Variants in SPEF2 observed in about 807,000 individuals in gnomAD.
The protein encoded by SPEF2 is sperm flagella and cilia-associated protein 2.
Under a neutral mutation model 224.6 loss-of-function variants are expected in SPEF2, and 187 were observed. The ratio of observed to expected loss-of-function variants is 0.83; its 90% confidence interval spans 0.74 to 0.94. SPEF2 has a LOEUF of 0.94. SPEF2 is among the 40% of genes least tolerant of loss of function. The probability of loss-of-function intolerance (pLI) is 0.00; values close to 1 mark genes in which losing one functional copy is unlikely to be tolerated. For missense variants in SPEF2, 2,170 were observed against 2,135.6 expected (o/e 1.02, Z -0.32); for synonymous variants, 715 against 707.3 (o/e 1.01, Z -0.17).
At chr5:35,693,002 G>A (rs903256561) in intron 12 of SPEF2, among the ~76,000 whole-genome samples, 1 of 152,194 alleles carries the variant, frequency 6.6e-6, no homozygotes, top group Non-Finnish European at 1.5e-5. Context: ...ACTGTCTTGT[G>A]TGATGGGCCC....
intron 33 of SPEF2, among the ~76,000 whole-genome samples, chr5:35,798,111 T>G (rs1481152192): frequency 6.6e-6 from 1 of 152,100 alleles, no homozygotes; most frequent in African/African-American, 2.4e-5. Flanking sequence ...CAAGCCACAA[T>G]CAGCTTCACC....
intron 2 of SPEF2, among the ~76,000 whole-genome samples, chr5:35,635,661 C>G (rs1309284997): frequency 6.6e-6 from 1 of 152,060 alleles, no homozygotes; most frequent in African/African-American, 2.4e-5. Context: ...ATTTATTTGG[C>G]GAATCCAATT....
Position 35,644,341 on chromosome 5 carries a change from C to A in SPEF2, c.415-14C>A. 2 of 1,478,402 alleles carry A rather than the reference C, an allele frequency of 1.4e-6. No homozygotes were observed. Among genetic ancestry groups the A allele is most frequent in the Non-Finnish European group, 1.8e-6 (2 of 1,109,536 alleles). The allele number at this position is 1,478,402 out of a possible 1,614,324, so 91.6% of individuals were successfully genotyped here. A position where few individuals can be genotyped will look rare whatever the true frequency, so the allele number is the denominator to read the frequency against. On this transcript the variant is annotated splice_polypyrimidine_tract_variant and intron_variant, in intron 3 of 36. Coordinates refer to ENST00000356031, the MANE Select transcript of SPEF2 (RefSeq NM_024867.4). The stretch of plus-strand genomic sequence containing the variant: ...TTCTCTAATAAAATCTTTTGAAATG[C>A]TTTTTTCATTTAGAGACTTAGACAC...
At chr5:35,679,855 G>A (rs774276629) in intron 10 of SPEF2, among the ~76,000 whole-genome samples, 2 of 152,130 alleles carry the variant, frequency 1.3e-5, no homozygotes, top group African/African-American at 2.4e-5. Flanking sequence ...CCATGTTCAA[G>A]TGTGACAGAT....
chr5:35,675,821 C>A, intron 10 of SPEF2: 2 of 428,448 alleles, frequency 4.7e-6, no homozygotes, highest in South Asian at 3.3e-5. Flanking sequence ...CTCTATTTGC[C>A]CTAGGTCCGT....
chr5:35,757,612 A>C (rs1750642676), intron 24 of SPEF2, among the ~76,000 whole-genome samples: 1 of 152,188 alleles, frequency 6.6e-6, no homozygotes, highest in Admixed American at 6.5e-5. Flanking sequence ...TATAATTTAC[A>C]AGACTCATTT....
chr5:35,770,441 A>G (rs74976182), intron 26 of SPEF2, among the ~76,000 whole-genome samples: 1 of 152,064 alleles, frequency 6.6e-6, no homozygotes, highest in Non-Finnish European at 1.5e-5. Context: ...GCAAGATGTC[A>G]TCAGAGCTTA....
Position 35,763,429 on chromosome 5 carries a change from C to T in SPEF2, c.3621-93C>T, listed in dbSNP as rs935520305. ...AAAACTTTGAAAATTGAGATTAAAC[C>T]AAGACAGTAAAATTTACAAAGTAAC... On this transcript the variant is annotated intron_variant, in intron 25 of 36. Transcript: ENST00000356031. 1.7e-5 allele frequency: 20 copies of T among 1,179,220 alleles called. No individual in the cohort carries two copies. In the East Asian group the frequency reaches 3.7e-4, roughly 22 times the overall value. 73.0% of individuals were successfully genotyped at this position (1,179,220 alleles called of 1,614,324 possible).
intron 10 of SPEF2, among the ~76,000 whole-genome samples, chr5:35,673,169 G>A (rs945309145): frequency 6.6e-6 from 1 of 152,170 alleles, no homozygotes; most frequent in Non-Finnish European, 1.5e-5. Context: ...TTATTTAGTA[G>A]AAAGTGAGGA....
Position 35,662,199 on chromosome 5 carries a change from C to T in SPEF2, c.1167+2992C>T, listed in dbSNP as rs115836699. 9.1e-3 allele frequency among the ~76,000 whole-genome samples: 1,378 copies of T among 151,580 alleles called. 17 individuals carry two copies. The highest frequency in any genetic ancestry group is 0.032 in the African/African-American group (1,333 of 41,306). ...TCAGTGATGTTAAGCTTTTTTTTCA[C>T]GTTTGTTAGCCATTTGTATGTCTTC... On this transcript the variant is annotated intron_variant, in intron 8 of 36. Coordinates refer to ENST00000356031, the MANE Select transcript of SPEF2 (RefSeq NM_024867.4).
At chr5:35,696,936 G>T (rs1755423796) in intron 14 of SPEF2, among the ~76,000 whole-genome samples, 2 of 152,212 alleles carry the variant, frequency 1.3e-5, no homozygotes, top group African/African-American at 4.8e-5. Context: ...GCAGGAAGGT[G>T]CCTGGCCAGC....
intron 4 of SPEF2, among the ~76,000 whole-genome samples, chr5:35,645,271 G>C (rs970157398): frequency 1.4e-4 from 21 of 152,160 alleles, no homozygotes; most frequent in African/African-American, 5.1e-4. Context: ...GCAATGATAA[G>C]AAATTATATT....
chr5:35,693,681 G>A (rs1189634879), intron 12 of SPEF2, among the ~76,000 whole-genome samples: 2 of 152,116 alleles, frequency 1.3e-5, no homozygotes, highest in Non-Finnish European at 2.9e-5. Flanking sequence ...TTTCCAGATT[G>A]TAAGTCCACT....
chr5:35,709,299 C>G, intron 19 of SPEF2, 178 bp downstream of exon 19: 1 of 1,422,860 alleles, frequency 7.0e-7, no homozygotes, highest in Non-Finnish European at 9.1e-7. Flanking sequence ...GTAGTTGTTA[C>G]AAAGCCCAAC....
At chr5:35,715,798 A>G (rs1464153130) in intron 20 of SPEF2, among the ~76,000 whole-genome samples, 2 of 140,844 alleles carry the variant, frequency 1.4e-5, no homozygotes, top group Admixed American at 1.5e-4. Context: ...ATTTCTGTGA[A>G]ATAGGGGGAT....
intron 10 of SPEF2, among the ~76,000 whole-genome samples, chr5:35,690,693 A>G (rs1480545649): frequency 6.6e-6 from 1 of 152,120 alleles, no homozygotes; most frequent in Admixed American, 6.5e-5. Flanking sequence ...TAATACTTGC[A>G]TAAGATAGCA....
intron 24 of SPEF2, among the ~76,000 whole-genome samples, chr5:35,757,189 T>G (rs1160045491): frequency 6.6e-6 from 1 of 152,246 alleles, no homozygotes; most frequent in African/African-American, 2.4e-5. Flanking sequence ...GAATTTTGAT[T>G]GATTCTGCCT....
At chr5:35,776,509 C>A in intron 29 of SPEF2, 114 bp downstream of exon 29, 1 of 1,234,358 alleles carries the variant, frequency 8.1e-7, no homozygotes, top group Non-Finnish European at 1.1e-6. Flanking sequence ...TAAATTTTGG[C>A]CTTTTAGGAA....
intron 20 of SPEF2, among the ~76,000 whole-genome samples, chr5:35,714,611 C>T (rs1357227576): frequency 1.3e-5 from 2 of 151,214 alleles, no homozygotes; most frequent in Admixed American, 6.6e-5. Context: ...TACATGGCCT[C>T]AGTTCTGAAA....
Sources: gnomAD v4.1 joint callset for allele counts (sites outside exome capture counted in the v4.1 genomes callset) on GRCh38, gnomAD v4.1.1 for gene constraint, MANE v1.5 for transcripts, NCBI Gene and HGNC (gene_info 2026-07-23, HGNC 2026-07-21) for gene names.